Variants in CCDC7 observed in about 807,000 individuals in gnomAD.
CCDC7 encodes coiled-coil domain-containing protein 7.
Under a neutral mutation model 196.9 loss-of-function variants are expected in CCDC7, and 183 were observed. That is an observed-to-expected ratio of 0.93 (90% CI 0.82 to 1.05). CCDC7 has a LOEUF of 1.05. Among genes scored for constraint, CCDC7 ranks in the 50% least tolerant of loss-of-function variants. CCDC7 has a pLI of 0.00. For missense variants in CCDC7, 1,540 were observed against 1,482.2 expected (o/e 1.04, Z -0.64); for synonymous variants, 525 against 484.6 (o/e 1.08, Z -1.10).
intron 31 of CCDC7, among the ~76,000 whole-genome samples, chr10:32,821,511 G>A (rs192430433): frequency 0.018 from 2,713 of 152,130 alleles, 84 homozygotes; most frequent in African/African-American, 0.061. Context: ...ACACATGCAC[G>A]CGTATGTTTA....
chr10:32,707,470 G>A (rs191640926), intron 24 of CCDC7, among the ~76,000 whole-genome samples: 13 of 152,250 alleles, frequency 8.5e-5, no homozygotes, highest in Admixed American at 7.2e-4. Context: ...GTTCTGGCCC[G>A]GGCAATCAGG....
chr10:32,708,736 G>T (rs908551235), intron 24 of CCDC7, among the ~76,000 whole-genome samples: 1 of 152,152 alleles, frequency 6.6e-6, no homozygotes, highest in Non-Finnish European at 1.5e-5. Flanking sequence ...ATCATCACTG[G>T]CCGTCAGAGA....
chr10:32,665,637 A>T, intron 21 of CCDC7, among the ~76,000 whole-genome samples: 1 of 152,032 alleles, frequency 6.6e-6, no homozygotes. Context: ...ATATGTTTTA[A>T]AATTAGGATG....
rs10466065 is a variant in CCDC7 at position 32,461,709 on chromosome 10, G to A, written c.457-974G>A. On this transcript the variant is annotated intron_variant, in intron 3 of 41. Transcript: ENST00000639629. The stretch of plus-strand genomic sequence containing the variant: ...TACATATATGTGTGTGTGTGTGTGT[G>A]TATATATATATATATATATATGTAT... 6.6e-3 allele frequency among the ~76,000 whole-genome samples: 377 copies of A among 57,430 alleles called. 3 individuals carry two copies. Among genetic ancestry groups the A allele is most frequent in the African/African-American group, 0.022 (287 of 12,762 alleles). The allele number at this position is 57,430 out of a possible 152,430, so 37.7% of individuals were successfully genotyped here.
chr10:32,618,653 G>A (rs2063042309), intron 18 of CCDC7, among the ~76,000 whole-genome samples: 1 of 151,824 alleles, frequency 6.6e-6, no homozygotes. Flanking sequence ...TGGCCCATAA[G>A]TCTTCTGTTA....
chr10:32,627,032 AG>A (rs1056362052), intron 18 of CCDC7, among the ~76,000 whole-genome samples: 2 of 49,752 alleles, frequency 4.0e-5, no homozygotes, highest in Non-Finnish European at 6.0e-5. Flanking sequence ...TTGGCTATTC[AG>A]GTTTTTTTTT....
chr10:32,526,971 A>G (rs1332379539), intron 11 of CCDC7, among the ~76,000 whole-genome samples: 3 of 152,086 alleles, frequency 2.0e-5, no homozygotes, highest in Non-Finnish European at 4.4e-5. Flanking sequence ...CCCTAGCCCT[A>G]CAAATAGTCT....
At chr10:32,649,348 C>A (rs2140114708) in intron 20 of CCDC7, among the ~76,000 whole-genome samples, 1 of 152,276 alleles carries the variant, frequency 6.6e-6, no homozygotes, top group Admixed American at 6.5e-5. Context: ...AATTGGCCCC[C>A]AATCTTTTCT....
intron 28 of CCDC7, among the ~76,000 whole-genome samples, chr10:32,737,700 C>G (rs1053216016): frequency 6.6e-6 from 1 of 152,094 alleles, no homozygotes; most frequent in African/African-American, 2.4e-5. Context: ...TTTTATTGCT[C>G]TGTTGTTAGG....
intron 9 of CCDC7, among the ~76,000 whole-genome samples, chr10:32,496,247 G>A (rs184073573): frequency 7.9e-5 from 12 of 152,302 alleles, no homozygotes; most frequent in South Asian, 2.1e-4. Flanking sequence ...TGTATCCTGA[G>A]ACTTTGCTGA....
At chr10:32,584,504 T>C (rs891534738) in intron 18 of CCDC7, among the ~76,000 whole-genome samples, 200 bp downstream of exon 19, 5 of 151,664 alleles carry the variant, frequency 3.3e-5, no homozygotes, top group African/African-American at 1.2e-4. Context: ...ATGCCTGTAA[T>C]CCCAGCACTT....
intron 9 of CCDC7, chr10:32,511,408 TC>T (rs2046183010): frequency 6.2e-7 from 1 of 1,608,832 alleles, no homozygotes; most frequent in African/African-American, 1.3e-5. Flanking sequence ...AAGCTGCACC[TC>T]TGTCCAGCTT....
At chr10:32,556,321 A>G (rs1459148144) in intron 13 of CCDC7, among the ~76,000 whole-genome samples, 1 of 152,208 alleles carries the variant, frequency 6.6e-6, no homozygotes, top group Non-Finnish European at 1.5e-5. Context: ...AACAAGGTAG[A>G]ATATCATTTT....
chr10:32,639,175 A>T (rs1228244134), intron 20 of CCDC7, among the ~76,000 whole-genome samples: 1 of 152,118 alleles, frequency 6.6e-6, no homozygotes, highest in Non-Finnish European at 1.5e-5. Flanking sequence ...GATCTTTTCA[A>T]AAAACCACCT....
rs367984933 is a variant in CCDC7 at position 32,854,554 on chromosome 10, A to C, written c.4111+65A>C. On this transcript the variant is annotated intron_variant, in intron 41 of 41. Transcript: ENST00000639629. ...TTTATGCTATATTCTCATCGTCTCT[A>C]TTTACCAACCTCAAACCTCTGGGCT... The C allele has an allele frequency of 3.5e-5, 37 of 1,051,124 alleles. No homozygotes were observed. In the African/African-American group the frequency reaches 5.7e-4, roughly 16 times the overall value. 65.1% of individuals were successfully genotyped at this position (1,051,124 alleles called of 1,614,324 possible).
At chr10:32,454,802 A>G (rs2033939774) in intron 2 of CCDC7, among the ~76,000 whole-genome samples, 1 of 152,156 alleles carries the variant, frequency 6.6e-6, no homozygotes, top group South Asian at 2.1e-4. Context: ...AATTTCAGTC[A>G]TCCTAATCTG....
chr10:32,700,678 T>C (rs891328716), intron 24 of CCDC7, among the ~76,000 whole-genome samples: 4 of 152,238 alleles, frequency 2.6e-5, no homozygotes, highest in Non-Finnish European at 4.4e-5. Context: ...TGATTCTTCC[T>C]ATCCATGAGC....
chr10:32,734,370 TTATAAG>T (rs2084502658), intron 28 of CCDC7, among the ~76,000 whole-genome samples: 1 of 152,086 alleles, frequency 6.6e-6, no homozygotes, highest in Non-Finnish European at 1.5e-5. Flanking sequence ...ATGTTCTCAC[TTATAAG>T]TAGGAGTTAA....
Position 32,823,432 on chromosome 10 carries a change from A to T in CCDC7, c.3182-1086A>T, listed in dbSNP as rs564567554. 2.3e-4 allele frequency among the ~76,000 whole-genome samples: 35 copies of T among 152,254 alleles called. No homozygotes were observed. The South Asian group carries it at 5.4e-3, about 23-fold the overall frequency. On this transcript the variant is annotated intron_variant, in intron 31 of 41. Coordinates refer to ENST00000639629, the Ensembl canonical transcript of CCDC7. ...TGGGATTACAGGCATGAGCCACTGC[A>T]CCTGGCCAATATAATGCATTTTTAC...
Sources: allele counts gnomAD v4.1 joint callset (sites outside exome capture counted in the v4.1 genomes callset), GRCh38; gene constraint gnomAD v4.1.1; transcripts MANE v1.5; gene names NCBI Gene and HGNC (gene_info 2026-07-23, HGNC 2026-07-21).